ASTN2: variants seen among roughly 807,000 people sequenced by gnomAD.
ASTN2 encodes astrotactin 2, also known as astrotactin-2.
In ASTN2, 54 loss-of-function variants were observed where a neutral mutation model predicts 139.8. That is an observed-to-expected ratio of 0.39 (90% CI 0.31 to 0.48). The LOEUF (loss-of-function observed/expected upper bound fraction) is 0.48, where lower values mean the gene tolerates loss of function less well. ASTN2 is among the 20% of genes least tolerant of loss of function. ASTN2 has a pLI of 0.95. For missense variants in ASTN2, 1,565 were observed against 1,725.1 expected (o/e 0.91, Z 1.64); for synonymous variants, 756 against 719.5 (o/e 1.05, Z -0.81).
intron 5 of ASTN2, among the ~76,000 whole-genome samples, chr9:117,055,800 G>A (rs931357245): frequency 6.6e-6 from 1 of 152,222 alleles, no homozygotes; most frequent in Admixed American, 6.5e-5. Context: ...GTTCCCAATG[G>A]TCTTTGCTTC....
chr9:116,505,644 C>G (rs772673086), intron 19 of ASTN2, among the ~76,000 whole-genome samples: 8 of 152,166 alleles, frequency 5.3e-5, no homozygotes, highest in Non-Finnish European at 1.2e-4. Flanking sequence ...TATTCCAAAA[C>G]AAGAAGTGGC....
chr9:116,605,352 T>C (rs190701602), intron 19 of ASTN2, among the ~76,000 whole-genome samples: 2 of 152,084 alleles, frequency 1.3e-5, no homozygotes, highest in African/African-American at 4.8e-5. Flanking sequence ...CAGAGCCAGA[T>C]GGCCTTCCAG....
chr9:116,423,760 G>T lies in ASTN2; in HGVS notation c.*2091C>A, dbSNP rs919605349. 6.7e-6 allele frequency among the ~76,000 whole-genome samples: 1 copy of T among 149,154 alleles called. No individual in the cohort carries two copies. Among genetic ancestry groups the T allele is most frequent in the African/African-American group, 2.6e-5 (1 of 38,614 alleles). The stretch of plus-strand genomic sequence containing the variant: ...GGTTGGAAGAATCTCTTTCTGCTTT[G>T]TTTTCTTTTGTGTTACCCATTTTCC... On this transcript the variant is annotated 3_prime_UTR_variant, in exon 23 of 23. Coordinates refer to ENST00000313400, the MANE Select transcript of ASTN2 (RefSeq NM_001365068.1).
intron 1 of ASTN2, among the ~76,000 whole-genome samples, chr9:117,322,476 GT>G (rs1426140693): frequency 2.0e-5 from 3 of 152,102 alleles, no homozygotes; most frequent in Non-Finnish European, 4.4e-5. Flanking sequence ...GGAGTAATTC[GT>G]TCCCAGAGAG....
At position 116,424,601 on chromosome 9, in the gene ASTN2, T is replaced by TC. The variant is rs1341125561; in HGVS notation, c.*1249_*1250insG. 6.6e-6 allele frequency among the ~76,000 whole-genome samples: 1 copy of TC among 151,446 alleles called. No homozygotes were observed. The highest frequency in any genetic ancestry group is 1.5e-5 in the Non-Finnish European group (1 of 67,822). ...CCTGGAGCAAATTCCATCTTTTTTT[T>TC]TTTTTTTAAGTTGTCACCTAGGCTG... On this transcript the variant is annotated 3_prime_UTR_variant, in exon 23 of 23. Transcript: ENST00000313400.
intron 10 of ASTN2, among the ~76,000 whole-genome samples, chr9:116,936,172 A>AAT (rs1835070641): frequency 6.9e-6 from 1 of 144,002 alleles, no homozygotes; most frequent in African/African-American, 2.6e-5. Flanking sequence ...CACTACCACC[A>AAT]ACACCATCGC....
chr9:117,109,466 C>T (rs1417124639), intron 4 of ASTN2, among the ~76,000 whole-genome samples: 5 of 152,244 alleles, frequency 3.3e-5, no homozygotes, highest in African/African-American at 1.2e-4. Flanking sequence ...GAAAACATCT[C>T]AAGATTATTT....
At chr9:117,120,018 G>GTGTGTGTGTATATA (rs1306397698) in intron 4 of ASTN2, among the ~76,000 whole-genome samples, 35 of 45,988 alleles carry the variant, frequency 7.6e-4, no homozygotes, top group East Asian at 1.2e-3. Context: ...GTGTGTGTGT[G>GTGTGTGTGTATATA]TATATATATA....
At chr9:116,462,307 G>A (rs1403085059) in intron 20 of ASTN2, among the ~76,000 whole-genome samples, 1 of 152,204 alleles carries the variant, frequency 6.6e-6, no homozygotes, top group East Asian at 1.9e-4. Context: ...AGAAATGGGA[G>A]CACAGTGAGC....
chr9:117,267,925 G>C (rs1000748819), intron 2 of ASTN2, among the ~76,000 whole-genome samples: 1 of 152,164 alleles, frequency 6.6e-6, no homozygotes, highest in Non-Finnish European at 1.5e-5. Context: ...CCTCCAGCCA[G>C]AGCAGACCCA....
At chr9:116,828,243 G>A (rs1355800333) in intron 11 of ASTN2, among the ~76,000 whole-genome samples, 1 of 146,808 alleles carries the variant, frequency 6.8e-6, no homozygotes, top group Non-Finnish European at 1.5e-5. Flanking sequence ...GTTGCAGTGA[G>A]CCAAGATCAT....
intron 19 of ASTN2, among the ~76,000 whole-genome samples, chr9:116,562,691 ATTGC>A (rs1852976313): frequency 7.0e-6 from 1 of 143,378 alleles, no homozygotes; most frequent in Non-Finnish European, 1.5e-5. Flanking sequence ...AGATCATGCC[ATTGC>A]ACTGCAGCCT....
intron 1 of ASTN2, among the ~76,000 whole-genome samples, chr9:117,343,634 G>A (rs1315171298): frequency 6.6e-6 from 1 of 152,080 alleles, no homozygotes; most frequent in Non-Finnish European, 1.5e-5. Flanking sequence ...ACTGAGAGTT[G>A]GAGAGACTGA....
At chr9:117,378,805 C>T (rs1045083506) in intron 1 of ASTN2, among the ~76,000 whole-genome samples, 3 of 152,186 alleles carry the variant, frequency 2.0e-5, no homozygotes, top group Non-Finnish European at 2.9e-5. Flanking sequence ...TGTCCCCACC[C>T]GAATCTCTTC....
intron 3 of ASTN2, among the ~76,000 whole-genome samples, chr9:117,206,401 C>G (rs1831925363): frequency 6.6e-6 from 1 of 152,182 alleles, no homozygotes. Context: ...CTCACAAGCC[C>G]TGAGCCCAGT....
At chr9:117,071,004 T>G (rs1413440834) in intron 5 of ASTN2, among the ~76,000 whole-genome samples, 3 of 148,928 alleles carry the variant, frequency 2.0e-5, no homozygotes, top group Admixed American at 6.6e-5. Context: ...CCTTCTTCTC[T>G]CAGCTCGTCA....
At chr9:117,223,191 G>A (rs59311384) in intron 2 of ASTN2, among the ~76,000 whole-genome samples, 7,908 of 152,128 alleles carry the variant, frequency 0.052, 353 homozygotes, top group African/African-American at 0.12. Flanking sequence ...TACCATTGAG[G>A]TAGATTTTAA....
At chr9:117,202,611 T>C (rs1030806660) in intron 3 of ASTN2, among the ~76,000 whole-genome samples, 1 of 152,198 alleles carries the variant, frequency 6.6e-6, no homozygotes, top group Non-Finnish European at 1.5e-5. Flanking sequence ...TTAGTTTGGC[T>C]AGATATGAAA....
intron 13 of ASTN2, among the ~76,000 whole-genome samples, chr9:116,739,183 C>T (rs1190384141): frequency 1.3e-5 from 2 of 152,158 alleles, no homozygotes; most frequent in East Asian, 3.9e-4. Flanking sequence ...TTCACAAACA[C>T]TTATTGGAGC....
Sources: allele counts gnomAD v4.1 joint callset (sites outside exome capture counted in the v4.1 genomes callset), GRCh38; gene constraint gnomAD v4.1.1; transcripts MANE v1.5; gene names NCBI Gene and HGNC (gene_info 2026-07-23, HGNC 2026-07-21).